RALGAPA2: variants seen among roughly 807,000 people sequenced by gnomAD.
The protein encoded by RALGAPA2 is ral GTPase-activating protein subunit alpha-2.
RALGAPA2 carries 139 observed loss-of-function variants against 230.4 expected under a neutral mutation model. That is an observed-to-expected ratio of 0.60 (90% CI 0.53 to 0.69). The LOEUF (loss-of-function observed/expected upper bound fraction) is 0.69. RALGAPA2 is among the 30% of genes least tolerant of loss of function. The pLI is 0.00. For missense variants in RALGAPA2, 2,163 were observed against 2,276.0 expected (o/e 0.95, Z 1.01); for synonymous variants, 847 against 837.8 (o/e 1.01, Z -0.19).
Position 20,586,201 on chromosome 20 carries a change from G to A in RALGAPA2, c.2440-1246C>T, listed in dbSNP as rs1375370841. Among the ~76,000 whole-genome samples the A allele has an allele frequency of 2.6e-5, 4 of 152,128 alleles. No homozygotes were observed. In the East Asian group the frequency reaches 7.7e-4, roughly 29 times the overall value. On this transcript the variant is annotated intron_variant, in intron 18 of 39. Coordinates refer to ENST00000202677, the MANE Select transcript of RALGAPA2 (RefSeq NM_020343.4). ...TTTAGTTGCAATTTGGGGCTCACAG[G>A]AAGTAAAAGAAACTTCCAAGAAATC...
In RALGAPA2 at chr20:20,437,745, T is replaced by G. The variant is rs945730266; in HGVS notation, c.5496-25597A>C. Among the ~76,000 whole-genome samples the G allele has an allele frequency of 6.6e-6, 1 of 152,232 alleles. No homozygotes were observed. The highest frequency in any genetic ancestry group is 2.4e-5 in the African/African-American group (1 of 41,464). ...ACCCTTCATTCTCCTTTTCTTGGCT[T>G]CATTTTTCTCCTCAGTACTCACCAT... On this transcript the variant is annotated intron_variant, in intron 37 of 39. Transcript: ENST00000202677. The surrounding 1 kb of genome is among the most constrained non-coding windows in gnomAD (Gnocchi z 4.1).
intron 37 of RALGAPA2, among the ~76,000 whole-genome samples, chr20:20,413,360 AG>A (rs2122781127): frequency 6.6e-6 from 1 of 152,304 alleles, no homozygotes; most frequent in South Asian, 2.1e-4. Flanking sequence ...CTTATGGCAA[AG>A]TGTGCACACC....
At chr20:20,455,149 G>A (rs978825287) in intron 37 of RALGAPA2, among the ~76,000 whole-genome samples, 3 of 152,214 alleles carry the variant, frequency 2.0e-5, no homozygotes, top group African/African-American at 4.8e-5. Flanking sequence ...TCTAAGCCCC[G>A]GAGCTGCTGC....
chr20:20,483,873 G>A (rs1259085834), intron 36 of RALGAPA2, among the ~76,000 whole-genome samples: 1 of 152,178 alleles, frequency 6.6e-6, no homozygotes, highest in Non-Finnish European at 1.5e-5. Context: ...GAAAAAAAGT[G>A]GTTTCTGGAT....
intron 37 of RALGAPA2, among the ~76,000 whole-genome samples, chr20:20,470,596 G>A (rs953974075): frequency 9.2e-5 from 14 of 152,118 alleles, no homozygotes; most frequent in Non-Finnish European, 1.6e-4. Context: ...ACCTAGAACC[G>A]GGGCTGGCTA....
intron 37 of RALGAPA2, among the ~76,000 whole-genome samples, chr20:20,418,261 T>C (rs1382300226): frequency 1.3e-5 from 2 of 152,232 alleles, no homozygotes; most frequent in African/African-American, 4.8e-5. Context: ...CTCAGTACCA[T>C]TAATGATCAG....
intron 35 of RALGAPA2, among the ~76,000 whole-genome samples, chr20:20,496,638 A>G (rs1368693852): frequency 6.6e-6 from 1 of 152,210 alleles, no homozygotes; most frequent in Non-Finnish European, 1.5e-5. Flanking sequence ...CAAATTTAAC[A>G]TTTTTAGTTT....
chr20:20,564,039 A>G (rs2064338154), intron 23 of RALGAPA2, among the ~76,000 whole-genome samples: 1 of 151,922 alleles, frequency 6.6e-6, no homozygotes, highest in Non-Finnish European at 1.5e-5. Context: ...ATTCACCCCC[A>G]CTTTATCACT....
At chr20:20,558,152 C>T (rs911926594) in intron 23 of RALGAPA2, among the ~76,000 whole-genome samples, 3 of 152,060 alleles carry the variant, frequency 2.0e-5, no homozygotes, top group Admixed American at 2.0e-4. Context: ...TTACAGGCAT[C>T]CGCCACTACG....
chr20:20,465,023 A>G (rs6132301), intron 37 of RALGAPA2, among the ~76,000 whole-genome samples: 4,302 of 152,228 alleles, frequency 0.028, 143 homozygotes, highest in East Asian at 0.15. Flanking sequence ...ATTTCACCTT[A>G]GGCAATTAAG....
chr20:20,456,477 C>T (rs1377631571), intron 37 of RALGAPA2, among the ~76,000 whole-genome samples: 2 of 152,250 alleles, frequency 1.3e-5, no homozygotes, highest in African/African-American at 4.8e-5. Flanking sequence ...TCACAACAGG[C>T]TCACTCTCCT....
At chr20:20,586,139 A>G (rs1024898081) in intron 18 of RALGAPA2, among the ~76,000 whole-genome samples, 7 of 152,164 alleles carry the variant, frequency 4.6e-5, no homozygotes, top group African/African-American at 1.7e-4. Flanking sequence ...GAGAGACACA[A>G]TACCTCCCAG....
chr20:20,505,603 C>T, intron 33 of RALGAPA2, 69 bp from the exon 34 acceptor site: 7 of 1,321,212 alleles, frequency 5.3e-6, no homozygotes, highest in South Asian at 1.5e-5. Context: ...ACTATTAATA[C>T]CACCAGCATG....
At chr20:20,481,677 C>A (rs144235743) in intron 36 of RALGAPA2, among the ~76,000 whole-genome samples, 1 of 152,252 alleles carries the variant, frequency 6.6e-6, no homozygotes, top group East Asian at 1.9e-4. Context: ...AGGATGTGTA[C>A]ACAGAATATA....
At chr20:20,568,458 A>G (rs578252645) in intron 23 of RALGAPA2, among the ~76,000 whole-genome samples, 1 of 152,340 alleles carries the variant, frequency 6.6e-6, no homozygotes, top group African/African-American at 2.4e-5. Context: ...TTTAAGATAC[A>G]AATGGTCATG....
chr20:20,600,256 A>G (rs2065596970), intron 16 of RALGAPA2, among the ~76,000 whole-genome samples: 1 of 152,232 alleles, frequency 6.6e-6, no homozygotes, highest in Non-Finnish European at 1.5e-5. Flanking sequence ...AGATCGCTCC[A>G]CTGCGGTTCA....
chr20:20,630,387 A>G (rs888388832), intron 9 of RALGAPA2, among the ~76,000 whole-genome samples: 1 of 152,228 alleles, frequency 6.6e-6, no homozygotes, highest in African/African-American at 2.4e-5. Flanking sequence ...TATTTTTTAC[A>G]AGAAGAGACA....
chr20:20,512,319 A>G (rs372761379), intron 32 of RALGAPA2, among the ~76,000 whole-genome samples, 194 bp downstream of exon 32: 1 of 152,180 alleles, frequency 6.6e-6, no homozygotes, highest in African/African-American at 2.4e-5. Context: ...TTCAATCTGC[A>G]CACCAGTACA....
At chr20:20,587,098 T>A (rs1234322938) in intron 18 of RALGAPA2, among the ~76,000 whole-genome samples, 1 of 151,704 alleles carries the variant, frequency 6.6e-6, no homozygotes, top group African/African-American at 2.4e-5. Context: ...AGAACAAACA[T>A]ACGAACCAAA....
Sources: allele counts gnomAD v4.1 joint callset (sites outside exome capture counted in the v4.1 genomes callset), GRCh38; gene constraint gnomAD v4.1.1; non-coding constraint Gnocchi (gnomAD v3.1); transcripts MANE v1.5; gene names NCBI Gene and HGNC (gene_info 2026-07-23, HGNC 2026-07-21).